ZNF469: variants seen among roughly 807,000 people sequenced by gnomAD.
ZNF469 encodes the protein zinc finger protein 469.
A neutral mutation model predicts 1.0 loss-of-function variants in ZNF469; 1 was observed. The ratio of observed to expected loss-of-function variants is 1.00; its 90% CI spans 0.35 to 4.73. The LOEUF is 4.73. Ranked by LOEUF, ZNF469 falls within the 30% of genes most tolerant of loss-of-function variation. The probability of loss-of-function intolerance (pLI) is 0.16; values close to 1 mark genes in which losing one functional copy is unlikely to be tolerated. For synonymous variants in ZNF469, 2,703 were observed against 2,363.4 expected, an observed-to-expected ratio of 1.14 and a Z score of -4.17; for missense variants, 6,100 against 5,356.3, an observed-to-expected ratio of 1.14 and a Z score of -4.33.
the ZNF469 span, among the ~76,000 whole-genome samples, chr16:88,126,163 TG>T: frequency 8.1e-6 from 1 of 123,244 alleles, no homozygotes; most frequent in Non-Finnish European, 1.6e-5. Flanking sequence ...CACTCCAGCC[TG>T]GGTGACAGAG....
chr16:88,144,816 C>T, the ZNF469 span, among the ~76,000 whole-genome samples: 2 of 151,830 alleles, frequency 1.3e-5, no homozygotes, highest in Non-Finnish European at 2.9e-5. Context: ...AGTCTCTTAT[C>T]TTGGGAAGTT....
At chr16:88,183,134 G>A in the ZNF469 span, among the ~76,000 whole-genome samples, 11 of 152,326 alleles carry the variant, frequency 7.2e-5, no homozygotes, top group East Asian at 1.5e-3. Context: ...TAGTCATGAG[G>A]GAAATTAACA....
the ZNF469 span, among the ~76,000 whole-genome samples, chr16:88,304,481 G>A: frequency 6.6e-6 from 1 of 152,198 alleles, no homozygotes; most frequent in Admixed American, 6.5e-5. Flanking sequence ...GAGCTGTGGG[G>A]AGGGCATTTT....
chr16:88,419,760 C>G (rs894491832), intron 1 of ZNF469, among the ~76,000 whole-genome samples: 1 of 152,214 alleles, frequency 6.6e-6, no homozygotes, highest in Non-Finnish European at 1.5e-5. Flanking sequence ...GGCCAAGCCT[C>G]GGCTGAAGAG....
intron 1 of ZNF469, among the ~76,000 whole-genome samples, chr16:88,414,565 C>G (rs1233604039): frequency 6.6e-6 from 1 of 152,246 alleles, no homozygotes; most frequent in Non-Finnish European, 1.5e-5. Context: ...TGGGAGCAAG[C>G]TATGGCTGGG....
chr16:88,186,563 G>A, the ZNF469 span, among the ~76,000 whole-genome samples: 2 of 152,332 alleles, frequency 1.3e-5, no homozygotes, highest in East Asian at 3.9e-4. Flanking sequence ...TCCCAGAGGG[G>A]ACCCGCAGGG....
the ZNF469 span, among the ~76,000 whole-genome samples, chr16:88,285,031 C>A: frequency 6.6e-6 from 1 of 152,382 alleles, no homozygotes; most frequent in South Asian, 2.1e-4. Context: ...CCCCTAGGGC[C>A]GGGTCTCAGG....
chr16:88,130,312 G>A, the ZNF469 span, among the ~76,000 whole-genome samples: 4 of 152,090 alleles, frequency 2.6e-5, no homozygotes, highest in African/African-American at 4.8e-5. Flanking sequence ...GCAGACAGCC[G>A]GTATAGTCAG....
chr16:88,127,241 C>T, the ZNF469 span, among the ~76,000 whole-genome samples: 5 of 152,044 alleles, frequency 3.3e-5, no homozygotes, highest in Non-Finnish European at 7.4e-5. Context: ...GCGTCACAGG[C>T]CTCATAACAC....
At position 88,439,456 on chromosome 16, in the gene ZNF469, G is replaced by C. The variant is rs1404601867; in HGVS notation, c.*124G>C. The C allele has an allele frequency of 4.6e-6, 5 of 1,075,616 alleles. No homozygotes were observed. 66.6% of individuals were successfully genotyped at this position (1,075,616 alleles called of 1,614,324 possible). On this transcript the variant is annotated 3_prime_UTR_variant, in exon 3 of 3. Coordinates refer to ENST00000565624, the MANE Select transcript of ZNF469 (RefSeq NM_001367624.2). ...ACTTGACTTCTTGTGCAACTGCTCA[G>C]GCCTTGATGTCAGAGCTGAGGTGGT...
intron 1 of ZNF469, among the ~76,000 whole-genome samples, chr16:88,394,228 C>T (rs912461284): frequency 6.6e-6 from 1 of 151,392 alleles, no homozygotes; most frequent in African/African-American, 2.4e-5. Context: ...TACACCTGTG[C>T]TGTCCAAGAG....
In ZNF469 at chr16:88,433,553, G is replaced by A; in HGVS notation, c.6083G>A (p.Gly2028Asp). 3.2e-6 allele frequency: 5 copies of A among 1,550,288 alleles called. No individual in the cohort carries two copies. Among genetic ancestry groups the A allele is most frequent in the Non-Finnish European group, 4.4e-6 (5 of 1,146,922 alleles). The change falls in exon 3 of 3, where the codon GGC (glycine) becomes GAC (aspartate). Residue 2028 changes from glycine to aspartate, a missense_variant. By Grantham distance (94) the Gly-to-Asp change is moderately conservative (BLOSUM62 -1). Transcript: ENST00000565624. ...VNASPKTALT[G>D]PTEGAVLLEK... Reference sequence around the variant, plus strand: ...GCCAGTCCCAAAACAGCGCTGACCGGCCCCACCGAGGGTGCAGTCCTGCTA... The same window carrying A: ...GCCAGTCCCAAAACAGCGCTGACCGACCCCACCGAGGGTGCAGTCCTGCTA...
the ZNF469 span, among the ~76,000 whole-genome samples, chr16:88,116,122 A>G: frequency 6.6e-6 from 1 of 152,238 alleles, no homozygotes; most frequent in African/African-American, 2.4e-5. Flanking sequence ...GAGAACTCTC[A>G]AAACTCAACC....
the ZNF469 span, among the ~76,000 whole-genome samples, chr16:88,127,397 T>C: frequency 6.6e-6 from 1 of 152,280 alleles, no homozygotes; most frequent in Non-Finnish European, 1.5e-5. Context: ...ATCGCCTTGA[T>C]TTCACTGCTT....
At chr16:88,321,490 G>C in the ZNF469 span, among the ~76,000 whole-genome samples, 1 of 151,892 alleles carries the variant, frequency 6.6e-6, no homozygotes, top group Admixed American at 6.5e-5. Context: ...ATGGCTCTCA[G>C]AGTCTGCATG....
At chr16:88,416,257 C>T (rs1905297966) in intron 1 of ZNF469, among the ~76,000 whole-genome samples, 1 of 152,170 alleles carries the variant, frequency 6.6e-6, no homozygotes. Context: ...GTGGGATGGG[C>T]TCCGTTCCCA....
At chr16:88,140,477 T>TAGC in the ZNF469 span, among the ~76,000 whole-genome samples, 2 of 131,584 alleles carry the variant, frequency 1.5e-5, no homozygotes, top group African/African-American at 4.4e-5. Flanking sequence ...GCACGGAAAG[T>TAGC]CAGTGACAAC....
chr16:88,356,786 T>C, the ZNF469 span, among the ~76,000 whole-genome samples: 2 of 152,194 alleles, frequency 1.3e-5, no homozygotes, highest in Non-Finnish European at 2.9e-5. Flanking sequence ...CTCACCTATC[T>C]CTGCTGTTGG....
intron 1 of ZNF469, among the ~76,000 whole-genome samples, chr16:88,392,345 A>G (rs1904515320): frequency 6.6e-6 from 1 of 152,260 alleles, no homozygotes; most frequent in South Asian, 2.1e-4. Context: ...TGTGCCTTGC[A>G]ATCCTGATGC....
Sources: allele counts gnomAD v4.1 joint callset (sites outside exome capture counted in the v4.1 genomes callset), GRCh38; gene constraint gnomAD v4.1.1; transcripts MANE v1.5; gene names NCBI Gene and HGNC (gene_info 2026-07-23, HGNC 2026-07-21).